The following FARS2 variants were observed in gnomAD, a reference collection of about 807,000 sequenced individuals.
The protein encoded by FARS2 is phenylalanyl-tRNA synthetase 2, mitochondrial.
FARS2 carries 40 observed loss-of-function variants against 46.4 expected under a neutral mutation model. The observed-to-expected ratio is 0.86, with a 90% CI of 0.67 to 1.12. The LOEUF is 1.12. FARS2 is among the 50% of genes most tolerant of loss of function. FARS2 has a pLI of 0.00. For missense variants in FARS2, 513 were observed against 567.9 expected (o/e 0.90, Z 0.98); for synonymous variants, 234 against 214.9 (o/e 1.09, Z -0.78).
chr6:5,597,551 C>T (rs1202223840), intron 5 of FARS2, among the ~76,000 whole-genome samples: 1 of 152,206 alleles, frequency 6.6e-6, no homozygotes, highest in Non-Finnish European at 1.5e-5. Flanking sequence ...GAGCTCAGAG[C>T]CGGCCATTTC....
intron 5 of FARS2, among the ~76,000 whole-genome samples, chr6:5,570,452 A>G (rs1473595258): frequency 6.6e-6 from 1 of 152,186 alleles, no homozygotes; most frequent in African/African-American, 2.4e-5. Flanking sequence ...TGCATCTTTA[A>G]TATTGTATTA....
chr6:5,371,533 A>G (rs968044031), intron 2 of FARS2, among the ~76,000 whole-genome samples: 16 of 152,254 alleles, frequency 1.1e-4, no homozygotes, highest in South Asian at 4.1e-4. Flanking sequence ...TTAATTGTGG[A>G]AAAAAATCTT....
At chr6:5,468,730 T>C (rs1423242737) in intron 4 of FARS2, among the ~76,000 whole-genome samples, 4 of 152,238 alleles carry the variant, frequency 2.6e-5, no homozygotes, top group African/African-American at 7.2e-5. Context: ...CGGTTATTCA[T>C]ACTTTCACAA....
chr6:5,380,151 A>G (rs578218003), intron 2 of FARS2, among the ~76,000 whole-genome samples: 2 of 152,226 alleles, frequency 1.3e-5, no homozygotes, highest in Non-Finnish European at 2.9e-5. Flanking sequence ...CGATCTTAGT[A>G]GATGGAATAC....
intron 6 of FARS2, among the ~76,000 whole-genome samples, chr6:5,643,077 A>T (rs143988217): frequency 4.1e-4 from 63 of 152,324 alleles, no homozygotes; most frequent in African/African-American, 1.4e-3. Context: ...CTTGATTAGT[A>T]ATTTATTTTA....
intron 1 of FARS2, among the ~76,000 whole-genome samples, chr6:5,298,975 T>C (rs1768092906): frequency 6.6e-6 from 1 of 152,180 alleles, no homozygotes; most frequent in African/African-American, 2.4e-5. Context: ...TTTCTTCTAT[T>C]TTGTTAATTT....
At chr6:5,691,830 C>T (rs1430982097) in intron 6 of FARS2, among the ~76,000 whole-genome samples, 1 of 152,198 alleles carries the variant, frequency 6.6e-6, no homozygotes, top group African/African-American at 2.4e-5. Flanking sequence ...CTGCAGTGGG[C>T]TCCACCCAGT....
intron 5 of FARS2, among the ~76,000 whole-genome samples, chr6:5,589,670 A>G (rs1773809780): frequency 6.6e-6 from 1 of 152,238 alleles, no homozygotes; most frequent in South Asian, 2.1e-4. Context: ...TGGGAACACC[A>G]GTGGTATCCT....
At chr6:5,393,300 T>C (rs1283723951) in intron 2 of FARS2, among the ~76,000 whole-genome samples, 7 of 152,032 alleles carry the variant, frequency 4.6e-5, no homozygotes, top group African/African-American at 1.7e-4. Flanking sequence ...GAGTGGTGGT[T>C]ATGGTGTCAG....
intron 1 of FARS2, among the ~76,000 whole-genome samples, chr6:5,267,810 C>T (rs1292241312): frequency 2.0e-5 from 3 of 151,692 alleles, no homozygotes; most frequent in Non-Finnish European, 4.4e-5. Context: ...CTAGTTTACA[C>T]TCCCACCAAC....
At chr6:5,457,949 G>A (rs1027256030) in intron 4 of FARS2, 1 of 152,244 alleles carries the variant, frequency 6.6e-6, no homozygotes, top group African/African-American at 2.4e-5. Context: ...AAAGCCTCCT[G>A]AAGCTGAATG....
intron 4 of FARS2, among the ~76,000 whole-genome samples, chr6:5,484,001 G>C (rs1295584130): frequency 2.6e-5 from 4 of 152,136 alleles, no homozygotes; most frequent in African/African-American, 7.2e-5. Flanking sequence ...TACTGAGGAG[G>C]CTGAGGCTAG....
intron 1 of FARS2, among the ~76,000 whole-genome samples, chr6:5,364,853 G>A (rs1181943071): frequency 6.6e-6 from 1 of 152,086 alleles, no homozygotes; most frequent in African/African-American, 2.4e-5. Context: ...GCAATGTGGC[G>A]AAACCTCATC....
chr6:5,591,614 G>C (rs533274247), intron 5 of FARS2, among the ~76,000 whole-genome samples: 1 of 152,324 alleles, frequency 6.6e-6, no homozygotes, highest in South Asian at 2.1e-4. Context: ...TGTGGAGCTT[G>C]AAGGAACCTC....
At chr6:5,420,458 G>C (rs1762480419) in intron 3 of FARS2, among the ~76,000 whole-genome samples, 1 of 152,176 alleles carries the variant, frequency 6.6e-6, no homozygotes, top group African/African-American at 2.4e-5. Flanking sequence ...AAGCAAGTTA[G>C]TTACTTCCTA....
intron 1 of FARS2, among the ~76,000 whole-genome samples, chr6:5,347,723 C>G (rs896911780): frequency 5.9e-5 from 9 of 152,052 alleles, no homozygotes; most frequent in African/African-American, 2.2e-4. Context: ...AAAACATTGC[C>G]GGCCATTTTT....
intron 6 of FARS2, among the ~76,000 whole-genome samples, chr6:5,717,812 A>G (rs1759596751): frequency 6.6e-6 from 1 of 151,896 alleles, no homozygotes; most frequent in Non-Finnish European, 1.5e-5. Flanking sequence ...CTTTCCTCAT[A>G]ACTCTAGTAA....
intron 1 of FARS2, among the ~76,000 whole-genome samples, chr6:5,340,787 A>G (rs917076698): frequency 6.6e-6 from 1 of 151,968 alleles, no homozygotes; most frequent in Non-Finnish European, 1.5e-5. Context: ...ATGGTTGTAA[A>G]TGAATTGGCT....
chr6:5,686,346 C>CG (rs1052498121), intron 6 of FARS2, among the ~76,000 whole-genome samples: 1 of 148,642 alleles, frequency 6.7e-6, no homozygotes, highest in African/African-American at 2.6e-5. Context: ...ATGCTCTCCC[C>CG]CCCCGCTGCC....
Sources: gnomAD v4.1 joint callset for allele counts (sites outside exome capture counted in the v4.1 genomes callset) on GRCh38, gnomAD v4.1.1 for gene constraint, MANE v1.5 for transcripts, NCBI Gene and HGNC (gene_info 2026-07-23, HGNC 2026-07-21) for gene names.